Variants in ADNP2 observed in about 807,000 individuals in gnomAD.
ADNP2 encodes the protein ADNP homeobox 2.
Under a neutral mutation model 16.4 loss-of-function variants are expected in ADNP2, and 8 were observed. The observed-to-expected ratio is 0.49, with a 90% confidence interval of 0.29 to 0.88. The LOEUF (loss-of-function observed/expected upper bound fraction) is 0.88, where lower values mean the gene tolerates loss of function less well. Ranked by LOEUF, ADNP2 falls within the 40% of genes least tolerant of loss-of-function variation. ADNP2 has a pLI of 0.09. For synonymous variants in ADNP2, 637 were observed against 545.8 expected (o/e 1.17, Z -2.33); for missense variants, 1,397 against 1,395.1 (o/e 1.00, Z -0.02).
Position 80,117,533 on chromosome 18 carries a change from A to AATTTCAAAAAT in ADNP2, c.-9_2dup. 6.3e-7 allele frequency: 1 copy of AATTTCAAAAAT among 1,580,780 alleles called. No homozygotes were observed. Among genetic ancestry groups the AATTTCAAAAAT allele is most frequent in the Non-Finnish European group, 8.6e-7 (1 of 1,167,592 alleles). On this transcript the variant is annotated 5_prime_UTR_variant, in exon 2 of 4. Coordinates refer to ENST00000262198, the MANE Select transcript of ADNP2 (RefSeq NM_014913.4). Reference sequence around the variant, plus strand: ...TTTTGTTTTCTTTCCTTTTAAGGAAAATTTCAAAAATGTTTCAAATTCCTG... The same window carrying AATTTCAAAAAT: ...TTTTGTTTTCTTTCCTTTTAAGGAAAATTTCAAAAATATTTCAAAAATGTTTCAAATTCCTG...
chr18:80,135,640 G>A lies in ADNP2; in HGVS notation c.227G>A (p.Gly76Asp), dbSNP rs746266998. 1.9e-6 allele frequency: 3 copies of A among 1,613,996 alleles called. No individual in the cohort carries two copies. The highest frequency in any genetic ancestry group is 2.5e-6 in the Non-Finnish European group (3 of 1,179,936). ...VRYRTKPYCC[G>D]LCKYSTKVLT... ...TATCGAACAAAGCCATACTGTTGTG[G>A]CCTCTGTAAATACTCTACAAAGGTG... Residue 76 changes from glycine (G) to aspartate (D), a missense_variant, in exon 4 of 4, where the codon GGC (glycine) becomes GAC (aspartate). This residue lies in a region of ADNP2 where 777 missense variants were observed against 719.4 expected (regional missense o/e 1.08). Coordinates refer to ENST00000262198, the MANE Select transcript of ADNP2 (RefSeq NM_014913.4).
At chr18:80,132,503 A>T (rs1425566464) in intron 2 of ADNP2, among the ~76,000 whole-genome samples, 1 of 152,136 alleles carries the variant, frequency 6.6e-6, no homozygotes, top group Non-Finnish European at 1.5e-5. Context: ...ATACCGAGGG[A>T]TGACTATACT....
rs1213423310 is a variant in ADNP2, at chr18:80,137,116, A to G, written c.1703A>G (p.Asn568Ser). ...QPVRPGVLQL[N>S]QTVGTNILPV... ...GTGAGGCCTGGGGTCTTGCAACTCA[A>G]CCAGACTGTGGGCACCAACATTCTG... The change falls in exon 4 of 4, where the codon AAC (asparagine) becomes AGC (serine). Residue 568 changes from asparagine (N) to serine (S), a missense_variant. Transcript: ENST00000262198. This position sits in a 1 kb window ranked among gnomAD's most constrained non-coding sequence, Gnocchi z 4.2. The G allele has an allele frequency of 3.1e-6, 5 of 1,614,178 alleles. No homozygotes were observed. The highest frequency in any genetic ancestry group is 1.6e-4 in the Middle Eastern group (1 of 6,062).
intron 2 of ADNP2, among the ~76,000 whole-genome samples, chr18:80,119,529 T>G (rs1599807603): frequency 6.6e-6 from 1 of 152,176 alleles, no homozygotes; most frequent in Non-Finnish European, 1.5e-5. Flanking sequence ...TATTTCAGAT[T>G]TCAGAGTGGT....
At chr18:80,115,692 C>T (rs2052384675) in intron 1 of ADNP2, among the ~76,000 whole-genome samples, 1 of 152,276 alleles carries the variant, frequency 6.6e-6, no homozygotes, top group Non-Finnish European at 1.5e-5. Context: ...ATTCACATTG[C>T]GTATACATCA....
At chr18:80,119,065 A>G (rs1424024210) in intron 2 of ADNP2, among the ~76,000 whole-genome samples, 3 of 152,216 alleles carry the variant, frequency 2.0e-5, no homozygotes, top group Non-Finnish European at 2.9e-5. Flanking sequence ...GTTGTTATAT[A>G]TCTATAGATT....
In ADNP2 at chr18:80,135,749, A is replaced by G. The variant is rs752243251; in HGVS notation, c.336A>G (p.Val112=). The G allele has an allele frequency of 1.9e-6, 3 of 1,614,180 alleles. No homozygotes were observed. The highest frequency in any genetic ancestry group is 1.6e-4 in the Middle Eastern group (1 of 6,062). Residue 112 remains valine (V), a synonymous_variant, in exon 4 of 4, where the codon GTA becomes GTG. Coordinates refer to ENST00000262198, the MANE Select transcript of ADNP2 (RefSeq NM_014913.4). The stretch of plus-strand genomic sequence containing the variant: ...TGGTGATCCCTTGCCCAAACTGTGT[A>G]TTTGCATCTCAGCCCAAAGTTGTGG... The part of the protein sequence containing the change: ...QELVIPCPNC[V]FASQPKVVGR...
intron 2 of ADNP2, among the ~76,000 whole-genome samples, chr18:80,121,024 G>A (rs978818064): frequency 3.9e-5 from 6 of 152,302 alleles, no homozygotes; most frequent in East Asian, 3.9e-4. Context: ...GGGTCATATA[G>A]TTATTCTGTT....
chr18:80,126,826 A>G (rs1352774582), intron 2 of ADNP2, among the ~76,000 whole-genome samples: 1 of 152,208 alleles, frequency 6.6e-6, no homozygotes. Context: ...TCAATTACAC[A>G]CACAGTAGTT....
chr18:80,132,339 T>C (rs2052502035), intron 2 of ADNP2, among the ~76,000 whole-genome samples: 1 of 152,208 alleles, frequency 6.6e-6, no homozygotes, highest in South Asian at 2.1e-4. Flanking sequence ...GTACTGAACA[T>C]GTACAGACTT....
chr18:80,136,659 C>T lies in ADNP2; in HGVS notation c.1246C>T (p.Pro416Ser), dbSNP rs2052537757. 7 of 1,613,422 alleles carry T rather than the reference C, an allele frequency of 4.3e-6. No individual in the cohort carries two copies. The highest frequency in any genetic ancestry group is 5.1e-6 in the Non-Finnish European group (6 of 1,179,634). Residue 416 changes from proline to serine, a missense_variant, in exon 4 of 4, where the codon CCT becomes TCT. Pro to Ser is a moderately conservative substitution (Grantham distance 74). Around this residue, in one of 3 missense-constraint regions of ADNP2, gnomAD observed 777 missense variants for 719.4 expected, o/e 1.08. Coordinates refer to ENST00000262198, the MANE Select transcript of ADNP2 (RefSeq NM_014913.4). ...PVGPINRPVG[P>S]GVLPVSPSVT... ...GGGACCCATAAACAGACCTGTTGGG[C>T]CTGGTGTTCTTCCTGTGAGCCCCTC...
At position 80,136,128 on chromosome 18, in the gene ADNP2, A is replaced by G. The variant is rs1184367932; in HGVS notation, c.715A>G (p.Ile239Val). The change falls in exon 4 of 4, where the codon ATA (isoleucine) becomes GTA (valine). Residue 239 changes from isoleucine (I) to valine (V), a missense_variant. This residue lies in a region of ADNP2 where 777 missense variants were observed against 719.4 expected (regional missense o/e 1.08). Coordinates refer to ENST00000262198, the MANE Select transcript of ADNP2 (RefSeq NM_014913.4). ...ALMYHILTSDIHRDLENKLRS... is the reference protein window; with the variant it reads ...ALMYHILTSDVHRDLENKLRS... ...AATGTATCACATTTTGACATCAGAC[A>G]TACACAGAGATTTGGAGAATAAGCT... 1.2e-6 allele frequency: 2 copies of G among 1,614,244 alleles called. No homozygotes were observed. The highest frequency in any genetic ancestry group is 1.7e-6 in the Non-Finnish European group (2 of 1,180,024).
chr18:80,119,174 A>G (rs890927532), intron 2 of ADNP2, among the ~76,000 whole-genome samples: 4 of 152,160 alleles, frequency 2.6e-5, no homozygotes, highest in African/African-American at 9.7e-5. Context: ...ACTGAACCGC[A>G]TAGTGAGAAC....
intron 1 of ADNP2, among the ~76,000 whole-genome samples, chr18:80,112,723 A>G (rs1028979918): frequency 6.6e-6 from 1 of 152,236 alleles, no homozygotes; most frequent in Non-Finnish European, 1.5e-5. Context: ...ATGTACAACC[A>G]TGCTTACATG....
chr18:80,136,159 C>T lies in ADNP2; in HGVS notation c.746C>T (p.Ser249Phe), dbSNP rs1381681448. 3 of 1,614,238 alleles carry T rather than the reference C, an allele frequency of 1.9e-6. No homozygotes were observed. The highest frequency in any genetic ancestry group is 1.7e-5 in the Admixed American group (1 of 60,032). The part of the protein sequence containing the change: ...IHRDLENKLR[S>F]VISEHIKRTG... The stretch of plus-strand genomic sequence containing the variant: ...AGAGATTTGGAGAATAAGCTTAGAT[C>T]TGTGATTTCAGAACATATTAAGAGG... Residue 249 changes from serine (S) to phenylalanine (F), a missense_variant, in exon 4 of 4, where the codon TCT becomes TTT. By Grantham distance (155) the Ser-to-Phe change is radical (BLOSUM62 -2). This residue lies in a region of ADNP2 where 777 missense variants were observed against 719.4 expected (regional missense o/e 1.08). Coordinates refer to ENST00000262198, the MANE Select transcript of ADNP2 (RefSeq NM_014913.4).
At position 80,138,936 on chromosome 18, in the gene ADNP2, T is replaced by C. The variant is rs1379565404; in HGVS notation, c.*127T>C. On this transcript the variant is annotated 3_prime_UTR_variant, in exon 4 of 4. Coordinates refer to ENST00000262198, the MANE Select transcript of ADNP2 (RefSeq NM_014913.4). The stretch of plus-strand genomic sequence containing the variant: ...GTGGTCACTGTGCTGCTCTGCAGAG[T>C]TACTTCAGGTGCTGGAGAGACCCCT... 2 of 867,148 alleles carry C rather than the reference T, an allele frequency of 2.3e-6. No individual in the cohort carries two copies. Among genetic ancestry groups the C allele is most frequent in the Non-Finnish European group, 3.3e-6 (2 of 607,756 alleles). 53.7% of individuals were successfully genotyped at this position (867,148 alleles called of 1,614,324 possible).
intron 2 of ADNP2, among the ~76,000 whole-genome samples, chr18:80,128,258 T>TA (rs1323851732): frequency 6.6e-6 from 1 of 152,230 alleles, no homozygotes; most frequent in Non-Finnish European, 1.5e-5. Flanking sequence ...TTGTTTCAGA[T>TA]ATGTTTGCTC....
At chr18:80,115,132 G>A (rs1431714693) in intron 1 of ADNP2, among the ~76,000 whole-genome samples, 1 of 152,188 alleles carries the variant, frequency 6.6e-6, no homozygotes, top group Non-Finnish European at 1.5e-5. Flanking sequence ...ATGTGGGTTG[G>A]AAGGTATTGT....
chr18:80,135,560 AG>A, intron 3 of ADNP2, 51 bp from the exon 4 acceptor site: 2 of 1,484,732 alleles, frequency 1.3e-6, no homozygotes, highest in Non-Finnish European at 1.8e-6. Flanking sequence ...GTGGAAGGTT[AG>A]CATCTGACAG....
Sources: gnomAD v4.1 joint callset for allele counts (sites outside exome capture counted in the v4.1 genomes callset) on GRCh38, gnomAD v4.1.1 for gene constraint, gnomAD v4.1.1 regional missense constraint, Gnocchi (gnomAD v3.1) non-coding constraint, MANE v1.5 for transcripts, NCBI Gene and HGNC (gene_info 2026-07-23, HGNC 2026-07-21) for gene names.